KAZN: variants seen among roughly 807,000 people sequenced by gnomAD.
KAZN encodes kazrin, periplakin interacting protein.
A neutral mutation model predicts 87.4 loss-of-function variants in KAZN; 40 were observed. The observed-to-expected ratio is 0.46, with a 90% CI of 0.36 to 0.60. KAZN has a LOEUF of 0.60. KAZN is among the 20% of genes least tolerant of loss of function. KAZN has a pLI of 0.00. For synonymous variants in KAZN, 466 were observed against 458.3 expected (o/e 1.02, Z -0.22); for missense variants, 898 against 1,073.9 (o/e 0.84, Z 2.29).
At chr1:14,183,870 C>CAA (rs1269584922) in intron 2 of KAZN, among the ~76,000 whole-genome samples, 15 of 152,066 alleles carry the variant, frequency 9.9e-5, no homozygotes, top group Non-Finnish European at 1.5e-5. Context: ...GGCCATGGAA[C>CAA]AAAGGGTGGC....
At chr1:14,715,741 C>T (rs549584114) in intron 1 of KAZN, among the ~76,000 whole-genome samples, 7 of 152,282 alleles carry the variant, frequency 4.6e-5, no homozygotes, top group Admixed American at 2.0e-4. Context: ...CTAAAAGTAT[C>T]GCAGCTTCAT....
rs1667912429 is a variant in KAZN, at chr1:14,996,791, G to A, written c.418+35916G>A. 6.6e-6 allele frequency among the ~76,000 whole-genome samples: 1 copy of A among 152,208 alleles called. No individual in the cohort carries two copies. Among genetic ancestry groups the A allele is most frequent in the East Asian group, 1.9e-4 (1 of 5,194 alleles). ...GCCACTTGCAGGAAGACACACCACG[G>A]AGCCTCCCCGCTCCTGGTGCTCCAG... On this transcript the variant is annotated intron_variant, in intron 2 of 14. Transcript: ENST00000376030. This position sits in a 1 kb window ranked among gnomAD's most constrained non-coding sequence, Gnocchi z 5.9.
chr1:15,073,279 G>A (rs1339123795), intron 8 of KAZN, among the ~76,000 whole-genome samples: 1 of 152,220 alleles, frequency 6.6e-6, no homozygotes, highest in African/African-American at 2.4e-5. Context: ...GCCCCATCCT[G>A]TAGCTACCGA....
chr1:14,450,493 G>A (rs1292248295), intron 2 of KAZN, among the ~76,000 whole-genome samples: 2 of 152,208 alleles, frequency 1.3e-5, no homozygotes, highest in African/African-American at 4.8e-5. Flanking sequence ...AGGAGGCTGA[G>A]ACAGGAGAAT....
Position 14,461,481 on chromosome 1 carries a change from C to T in KAZN, c.250-137502C>T, listed in dbSNP as rs994861245. Among the ~76,000 whole-genome samples, 9 of 152,312 alleles carry T rather than the reference C, an allele frequency of 5.9e-5. 1 individual carries two copies. Among genetic ancestry groups the T allele is most frequent in the Admixed American group, 1.3e-4 (2 of 15,302 alleles). The stretch of plus-strand genomic sequence containing the variant: ...TTCACCTTCTGCCATGATTGTGAAG[C>T]CTCCCCAGCCACATGGAACTGTGAG... On this transcript the variant is annotated intron_variant, in intron 2 of 16. Coordinates refer to the KAZN transcript ENST00000636203.
chr1:14,054,335 T>C (rs1642462354), intron 1 of KAZN, among the ~76,000 whole-genome samples: 1 of 152,312 alleles, frequency 6.6e-6, no homozygotes, highest in African/African-American at 2.4e-5. Context: ...TAAAACTATC[T>C]TGGGCCCCTG....
rs796516274 is a variant in KAZN at position 14,400,491 on chromosome 1, A to G, written c.250-198492A>G. On this transcript the variant is annotated intron_variant, in intron 2 of 16. Coordinates refer to the KAZN transcript ENST00000636203. Reference sequence around the variant, plus strand: ...TCCAAGGTCACAGAACTGGTAGCAGATCTGGGATCAGAACCCAGCACTCCA... The same window carrying G: ...TCCAAGGTCACAGAACTGGTAGCAGGTCTGGGATCAGAACCCAGCACTCCA... Among the ~76,000 whole-genome samples, 7 of 152,312 alleles carry G rather than the reference A, an allele frequency of 4.6e-5. 1 individual carries two copies. The highest frequency in any genetic ancestry group is 1.7e-4 in the African/African-American group (7 of 41,572).
chr1:15,007,742 G>A (rs1361600972), intron 2 of KAZN, among the ~76,000 whole-genome samples: 1 of 152,252 alleles, frequency 6.6e-6, no homozygotes, highest in East Asian at 1.9e-4. Flanking sequence ...CACAGCGGAG[G>A]AGACTGGGAA....
At chr1:14,636,417 G>C (rs143934323) in intron 1 of KAZN, among the ~76,000 whole-genome samples, 5 of 152,332 alleles carry the variant, frequency 3.3e-5, no homozygotes, top group African/African-American at 1.2e-4. Flanking sequence ...GAGATAGACA[G>C]ACATGCTTGA....
intron 1 of KAZN, among the ~76,000 whole-genome samples, chr1:14,609,044 G>A (rs1440638785): frequency 6.6e-6 from 1 of 152,152 alleles, no homozygotes; most frequent in Non-Finnish European, 1.5e-5. Context: ...CCTGGAGAGT[G>A]CAGTTGTGGG....
intron 1 of KAZN, among the ~76,000 whole-genome samples, chr1:14,916,363 T>C (rs1432965302): frequency 1.3e-5 from 2 of 151,930 alleles, no homozygotes; most frequent in African/African-American, 4.8e-5. Context: ...AGAGATGGGG[T>C]TTCACCATGT....
intron 1 of KAZN, among the ~76,000 whole-genome samples, chr1:14,752,320 C>T (rs1557453055): frequency 6.6e-6 from 1 of 152,172 alleles, no homozygotes; most frequent in East Asian, 1.9e-4. Flanking sequence ...TTCCCTGATC[C>T]ATCTAATGCC....
chr1:14,939,607 A>AG (rs1660830377), intron 1 of KAZN, among the ~76,000 whole-genome samples: 1 of 152,158 alleles, frequency 6.6e-6, no homozygotes, highest in South Asian at 2.1e-4. Flanking sequence ...CCGCATTGGC[A>AG]GTGGGAGGTG....
chr1:14,200,775 T>A (rs1209374530), intron 2 of KAZN, among the ~76,000 whole-genome samples: 4 of 152,210 alleles, frequency 2.6e-5, no homozygotes, highest in Non-Finnish European at 4.4e-5. Flanking sequence ...CCTATTGAGA[T>A]AACTGATTCA....
At chr1:14,481,786 G>T (rs78245553) in intron 2 of KAZN, among the ~76,000 whole-genome samples, 1 of 152,174 alleles carries the variant, frequency 6.6e-6, no homozygotes, top group African/African-American at 2.4e-5. Context: ...GCTTAAAAGC[G>T]TAAGAAGAGA....
chr1:14,494,287 C>G (rs1204024947), intron 2 of KAZN, among the ~76,000 whole-genome samples: 2 of 152,118 alleles, frequency 1.3e-5, no homozygotes, highest in African/African-American at 4.8e-5. Context: ...AAGATGTGGG[C>G]AGGGTTATAG....
intron 2 of KAZN, among the ~76,000 whole-genome samples, chr1:14,207,466 A>G (rs1293319768): frequency 6.6e-6 from 1 of 152,192 alleles, no homozygotes; most frequent in African/African-American, 2.4e-5. Context: ...TCAAAATATC[A>G]AAACTTGAAA....
At chr1:14,241,571 T>C (rs550062954) in intron 2 of KAZN, among the ~76,000 whole-genome samples, 2 of 152,340 alleles carry the variant, frequency 1.3e-5, no homozygotes, top group Admixed American at 6.5e-5. Context: ...TCACTATTTC[T>C]GGCACACCTA....
chr1:13,935,175 T>G (rs1640673961), intron 1 of KAZN, among the ~76,000 whole-genome samples: 1 of 151,550 alleles, frequency 6.6e-6, no homozygotes, highest in African/African-American at 2.4e-5. Flanking sequence ...AGGCAGAGGT[T>G]ACAGTGAGCC....
Sources: gnomAD v4.1 joint callset for allele counts (sites outside exome capture counted in the v4.1 genomes callset) on GRCh38, gnomAD v4.1.1 for gene constraint, Gnocchi (gnomAD v3.1) non-coding constraint, MANE v1.5 for transcripts, NCBI Gene and HGNC (gene_info 2026-07-23, HGNC 2026-07-21) for gene names.